The following PSD3 variants were observed in gnomAD, a reference collection of about 807,000 sequenced individuals.
PSD3 encodes the protein PH and SEC7 domain-containing protein 3.
PSD3 carries 49 observed loss-of-function variants against 105.5 expected under a neutral mutation model. The observed-to-expected ratio is 0.46, with a 90% CI of 0.37 to 0.59. The LOEUF is 0.59. PSD3 is among the 20% of genes least tolerant of loss of function. The probability of loss-of-function intolerance (pLI) is 0.00; values close to 1 mark genes in which losing one functional copy is unlikely to be tolerated. For missense variants in PSD3, 1,561 were observed against 1,263.8 expected (o/e 1.24, Z -3.57); for synonymous variants, 557 against 457.8 (o/e 1.22, Z -2.77).
chr8:18,847,705 T>C (rs577561346), intron 4 of PSD3, among the ~76,000 whole-genome samples: 2 of 152,278 alleles, frequency 1.3e-5, no homozygotes, highest in East Asian at 1.9e-4. Context: ...AGAACTTAGA[T>C]ATAAACAGAG....
intron 2 of PSD3, among the ~76,000 whole-genome samples, chr8:18,884,468 G>A (rs1317837390): frequency 6.6e-6 from 1 of 152,118 alleles, no homozygotes; most frequent in Admixed American, 6.5e-5. Context: ...TACTAAATGA[G>A]TAATCTAAAT....
intron 10 of PSD3, among the ~76,000 whole-genome samples, chr8:18,653,722 C>G (rs1394338124): frequency 6.6e-6 from 1 of 151,848 alleles, no homozygotes; most frequent in Non-Finnish European, 1.5e-5. Context: ...TTGCATCAAA[C>G]TCCGACTACC....
chr8:18,589,627 G>A (rs551792295), intron 12 of PSD3, among the ~76,000 whole-genome samples: 1 of 152,214 alleles, frequency 6.6e-6, no homozygotes, highest in Non-Finnish European at 1.5e-5. Context: ...CTGGTAATAT[G>A]TAAAATGTTA....
At chr8:18,987,056 G>A (rs914788858) in intron 1 of PSD3, among the ~76,000 whole-genome samples, 4 of 152,082 alleles carry the variant, frequency 2.6e-5, no homozygotes, top group South Asian at 4.1e-4. Flanking sequence ...TAATGGTGCC[G>A]TCACAGGGAG....
At chr8:19,067,314 G>A (rs1056772183) in intron 1 of PSD3, among the ~76,000 whole-genome samples, 13 of 152,088 alleles carry the variant, frequency 8.5e-5, no homozygotes, top group African/African-American at 1.4e-4. Context: ...TCCAGCTCAG[G>A]CTCACAGAAT....
chr8:18,750,846 GAC>G (rs1563223050), intron 9 of PSD3, among the ~76,000 whole-genome samples: 1 of 152,148 alleles, frequency 6.6e-6, no homozygotes, highest in African/African-American at 2.4e-5. Context: ...CCCTGAGCTA[GAC>G]ACAGGGTGCT....
In PSD3 at chr8:18,917,132, T is replaced by C. The variant is rs1000574941; in HGVS notation, c.130+18902A>G. 1.2e-4 allele frequency among the ~76,000 whole-genome samples: 19 copies of C among 152,294 alleles called. No individual in the cohort carries two copies. In the East Asian group the frequency reaches 3.7e-3, roughly 29 times the overall value. ...TACCCTCAATGCCTTCACCTTCTTT[T>C]CTTCCCGTATCATATCAGTAACCAA... On this transcript the variant is annotated intron_variant, in intron 2 of 15. Transcript: ENST00000327040.
intron 8 of PSD3, among the ~76,000 whole-genome samples, chr8:18,792,433 G>T (rs1225802719): frequency 6.6e-6 from 1 of 152,134 alleles, no homozygotes; most frequent in Non-Finnish European, 1.5e-5. Context: ...GGAGCCAGAG[G>T]TCATTATCCT....
chr8:18,725,480 C>A (rs1361122733), intron 9 of PSD3, among the ~76,000 whole-genome samples: 1 of 152,110 alleles, frequency 6.6e-6, no homozygotes, highest in Non-Finnish European at 1.5e-5. Context: ...AGCGGGCTAG[C>A]TTTTGATTTC....
chr8:18,876,054 TC>T (rs1256964182), intron 2 of PSD3, among the ~76,000 whole-genome samples: 9 of 152,182 alleles, frequency 5.9e-5, no homozygotes, highest in Non-Finnish European at 2.9e-5. Flanking sequence ...TGTACTCATG[TC>T]ATATCATCTA....
intron 1 of PSD3, among the ~76,000 whole-genome samples, chr8:18,942,475 T>C (rs989518372): frequency 6.6e-6 from 1 of 152,200 alleles, no homozygotes; most frequent in African/African-American, 2.4e-5. Context: ...CGTTATGGGC[T>C]GAATTGTGTC....
chr8:19,033,115 G>A (rs60179479), intron 1 of PSD3, among the ~76,000 whole-genome samples: 3,830 of 145,624 alleles, frequency 0.026, 165 homozygotes, highest in African/African-American at 0.089. Context: ...ACAAACAAAC[G>A]GAACAAAACC....
At chr8:18,690,216 G>A (rs1800897303) in intron 9 of PSD3, among the ~76,000 whole-genome samples, 1 of 152,154 alleles carries the variant, frequency 6.6e-6, no homozygotes. Flanking sequence ...GTAGGAACTG[G>A]TCTTGGAGTC....
At chr8:19,038,550 T>C (rs1246544452) in intron 1 of PSD3, among the ~76,000 whole-genome samples, 1 of 152,222 alleles carries the variant, frequency 6.6e-6, no homozygotes, top group Non-Finnish European at 1.5e-5. Flanking sequence ...AGTCTTAACC[T>C]CCTGGGCTCA....
intron 9 of PSD3, among the ~76,000 whole-genome samples, chr8:18,718,015 T>C (rs966846225): frequency 2.7e-4 from 41 of 152,166 alleles, no homozygotes; most frequent in African/African-American, 8.9e-4. Flanking sequence ...TGTGCTTGTG[T>C]ATTGCCTCCC....
intron 9 of PSD3, among the ~76,000 whole-genome samples, chr8:18,725,124 T>C (rs1803257990): frequency 1.3e-5 from 2 of 152,214 alleles, no homozygotes; most frequent in African/African-American, 4.8e-5. Context: ...TGGCTCCCCA[T>C]CATATTTCCT....
intron 8 of PSD3, 84 bp downstream of exon 8, chr8:18,799,211 A>C: frequency 8.3e-7 from 1 of 1,198,606 alleles, no homozygotes; most frequent in Non-Finnish European, 1.2e-6. Flanking sequence ...GGAAACGGGG[A>C]GGCAGAAAAT....
intron 1 of PSD3, among the ~76,000 whole-genome samples, chr8:18,954,507 T>C (rs1260441978): frequency 6.6e-6 from 1 of 152,196 alleles, no homozygotes; most frequent in African/African-American, 2.4e-5. Context: ...GACCAATGTT[T>C]AGTTCCCTAA....
At chr8:19,078,770 T>A (rs560188673) in intron 1 of PSD3, among the ~76,000 whole-genome samples, 3 of 151,838 alleles carry the variant, frequency 2.0e-5, no homozygotes, top group Non-Finnish European at 4.4e-5. Flanking sequence ...CTGGATTGTC[T>A]TCTAAAGAAA....
Sources: allele counts gnomAD v4.1 joint callset (sites outside exome capture counted in the v4.1 genomes callset), GRCh38; gene constraint gnomAD v4.1.1; transcripts MANE v1.5; gene names NCBI Gene and HGNC (gene_info 2026-07-23, HGNC 2026-07-21).